ABCA4: variants seen among roughly 807,000 people sequenced by gnomAD.
ABCA4 encodes the protein retinal-specific phospholipid-transporting ATPase ABCA4.
Under a neutral mutation model 263.7 loss-of-function variants are expected in ABCA4, and 196 were observed. The ratio of observed to expected loss-of-function variants is 0.74; its 90% CI spans 0.66 to 0.84. ABCA4 has a LOEUF of 0.84. Among genes scored for constraint, ABCA4 ranks in the 40% least tolerant of loss-of-function variants. The probability of loss-of-function intolerance (pLI) is 0.00; values close to 1 mark genes in which losing one functional copy is unlikely to be tolerated. For missense variants in ABCA4, 2,792 were observed against 2,855.1 expected (o/e 0.98, Z 0.50); for synonymous variants, 1,133 against 1,094.2 (o/e 1.04, Z -0.70).
chr1:94,061,207 G>A (rs180912332), intron 13 of ABCA4, among the ~76,000 whole-genome samples: 27 of 152,236 alleles, frequency 1.8e-4, no homozygotes, highest in Admixed American at 2.6e-4. Flanking sequence ...GGGGTCAGCC[G>A]CCCCAGCACA....
chr1:94,116,974 C>CTT (rs1197184568), intron 1 of ABCA4, among the ~76,000 whole-genome samples: 11 of 86,228 alleles, frequency 1.3e-4, no homozygotes, highest in African/African-American at 4.0e-4. Flanking sequence ...CTTTCTCTTT[C>CTT]TTTCTTTCTT....
At position 94,021,403 on chromosome 1, in the gene ABCA4, A is replaced by C. The variant is rs1320443166; in HGVS notation, c.4855T>G (p.Phe1619Val). The C allele has an allele frequency of 9.3e-6, 15 of 1,614,140 alleles. No individual in the cohort carries two copies. Among genetic ancestry groups the C allele is most frequent in the Non-Finnish European group, 1.2e-5 (14 of 1,180,018 alleles). Reference sequence around the variant, plus strand: ...AGGGCATGCCAGCCTTTGTTATTAAACCACACCTAGAGGGTGGAGAGGACA... The same window carrying C: ...AGGGCATGCCAGCCTTTGTTATTAACCCACACCTAGAGGGTGGAGAGGACA... ...LETEDNIKVW[F>V]NNKGWHALVS... The change falls in exon 35 of 50, where the codon TTT (phenylalanine) becomes GTT (valine). Residue 1619 changes from phenylalanine (F) to valine (V), a missense_variant. Transcript: ENST00000370225.
chr1:93,994,160 T>A (rs1280913909), intron 49 of ABCA4, among the ~76,000 whole-genome samples: 7 of 152,154 alleles, frequency 4.6e-5, no homozygotes, highest in Admixed American at 4.6e-4. Context: ...TGTTCCTAAT[T>A]TGGGAATGCA....
chr1:94,043,507 G>A (rs1039263601), intron 20 of ABCA4, 32 bp from the exon 21 acceptor site: 7 of 1,613,664 alleles, frequency 4.3e-6, no homozygotes, highest in South Asian at 1.1e-5. Context: ...AAAAGCAGTG[G>A]CTTAGCACTT....
chr1:94,029,761 A>T (rs1387259636), intron 29 of ABCA4, 130 bp from the exon 30 acceptor site: 2 of 938,232 alleles, frequency 2.1e-6, no homozygotes, highest in Non-Finnish European at 3.3e-6. Flanking sequence ...ATTCTCTTGG[A>T]GGCTGGTTTC....
intron 13 of ABCA4, 123 bp from the exon 14 acceptor site, chr1:94,060,882 A>C: frequency 1.2e-6 from 1 of 803,046 alleles, no homozygotes; most frequent in Non-Finnish European, 2.1e-6. Flanking sequence ...AAACAGGAAA[A>C]CCTCCCCTGG....
At chr1:94,077,578 A>T in intron 11 of ABCA4, 112 bp downstream of exon 11, 1 of 1,000,110 alleles carries the variant, frequency 1.0e-6, no homozygotes, top group East Asian at 2.4e-5. Flanking sequence ...TTGTTTCTTC[A>T]GTGGGGAAAA....
chr1:94,069,543 T>C (rs1480686710), intron 11 of ABCA4, among the ~76,000 whole-genome samples: 1 of 152,202 alleles, frequency 6.6e-6, no homozygotes, highest in Non-Finnish European at 1.5e-5. Flanking sequence ...AAGCGGGCGA[T>C]GAATGCCAGC....
In ABCA4 at chr1:94,023,427, C is replaced by CAAAAT; in HGVS notation, c.4635-14_4635-10dup. On this transcript the variant is annotated splice_polypyrimidine_tract_variant and intron_variant, in intron 31 of 49. Transcript: ENST00000370225. ...AGAATTTGCTCTTTAAGCTGAAAGC[C>CAAAAT]AAAATAAAATAATGCAATGAATACC... is the stretch of plus-strand genomic sequence containing the variant. The CAAAAT allele has an allele frequency of 6.2e-7, 1 of 1,605,272 alleles. No individual in the cohort carries two copies. Among genetic ancestry groups the CAAAAT allele is most frequent in the South Asian group, 1.1e-5 (1 of 90,660 alleles).
intron 26 of ABCA4, among the ~76,000 whole-genome samples, chr1:94,033,646 T>C (rs1226055049): frequency 6.6e-6 from 1 of 152,060 alleles, no homozygotes; most frequent in Non-Finnish European, 1.5e-5. Flanking sequence ...TTCTTAACCC[T>C]CCTCAAGTCC....
At chr1:94,067,482 A>G (rs534046030) in intron 11 of ABCA4, among the ~76,000 whole-genome samples, 1 of 152,312 alleles carries the variant, frequency 6.6e-6, no homozygotes, top group East Asian at 1.9e-4. Flanking sequence ...GGGAAAAAAA[A>G]CTTAAAAGAT....
intron 1 of ABCA4, among the ~76,000 whole-genome samples, chr1:94,116,827 A>C (rs1258665527): frequency 3.3e-5 from 5 of 152,076 alleles, no homozygotes; most frequent in Non-Finnish European, 7.4e-5. Flanking sequence ...CCCTTTACAC[A>C]TGTCTGTAAC....
intron 45 of ABCA4, 77 bp from the exon 46 acceptor site, chr1:94,001,182 C>T (rs916847828): frequency 8.1e-6 from 10 of 1,239,244 alleles, no homozygotes; most frequent in Admixed American, 1.8e-5. Flanking sequence ...TGGGCTGGCT[C>T]CCCTGTGGAG....
intron 48 of ABCA4, 97 bp downstream of exon 48, chr1:93,997,764 C>T (rs995816295): frequency 1.1e-4 from 158 of 1,498,540 alleles, no homozygotes; most frequent in Admixed American, 2.6e-4. Context: ...TGTTAAAAAT[C>T]GGGAATGTTA....
At chr1:93,993,270 G>A (rs866960838) in intron 49 of ABCA4, 28 bp from the exon 50 acceptor site, 18 of 1,613,684 alleles carry the variant, frequency 1.1e-5, no homozygotes, top group East Asian at 4.5e-5. Context: ...ATGGACTCGC[G>A]TCATCTTGGT....
At chr1:94,040,016 C>G in intron 24 of ABCA4, 27 bp downstream of exon 24, 1 of 1,573,588 alleles carries the variant, frequency 6.4e-7, no homozygotes, top group South Asian at 1.2e-5. Context: ...CCAGACGGAA[C>G]CCAAGTATGG....
rs535420498 is a variant in ABCA4, at chr1:94,044,805, C to T, written c.2919-61G>A. The T allele has an allele frequency of 1.9e-5, 30 of 1,612,054 alleles. 1 individual carries two copies. The Admixed American group carries it at 3.7e-4, about 20-fold the overall frequency. ...CCTTTAGCAACATGCCTTAGGAGGGCCACCCCCACACCAGGTTCAGTGAGA... is the reference window on the plus strand; with the variant it reads ...CCTTTAGCAACATGCCTTAGGAGGGTCACCCCCACACCAGGTTCAGTGAGA... On this transcript the variant is annotated intron_variant, in intron 19 of 49. Coordinates refer to ENST00000370225, the MANE Select transcript of ABCA4 (RefSeq NM_000350.3).
At chr1:94,091,577 TCTCACACACA>T (rs1287830021) in intron 6 of ABCA4, among the ~76,000 whole-genome samples, 22 of 108,988 alleles carry the variant, frequency 2.0e-4, no homozygotes, top group African/African-American at 7.3e-4. Context: ...GCAAACATCA[TCTCACACACA>T]CACACACACA....
At chr1:94,072,972 GC>G (rs1261600418) in intron 11 of ABCA4, among the ~76,000 whole-genome samples, 1 of 152,078 alleles carries the variant, frequency 6.6e-6, no homozygotes, top group African/African-American at 2.4e-5. Context: ...TGGTTAGGCC[GC>G]CCTCCTGGGA....
Sources: gnomAD v4.1 joint callset for allele counts (sites outside exome capture counted in the v4.1 genomes callset) on GRCh38, gnomAD v4.1.1 for gene constraint, MANE v1.5 for transcripts, NCBI Gene and HGNC (gene_info 2026-07-23, HGNC 2026-07-21) for gene names.